The following KDM1A variants were observed in gnomAD, a reference collection of about 807,000 sequenced individuals.
The protein encoded by KDM1A is lysine demethylase 1A, also known as lysine-specific histone demethylase 1A.
Under a neutral mutation model 109.4 loss-of-function variants are expected in KDM1A, and 49 were observed. The observed-to-expected ratio is 0.45, with a 90% CI of 0.36 to 0.57. KDM1A has a LOEUF of 0.57. Ranked by LOEUF, KDM1A falls within the 20% of genes least tolerant of loss-of-function variation. The probability of loss-of-function intolerance (pLI) is 0.00; values close to 1 mark genes in which losing one functional copy is unlikely to be tolerated. For synonymous variants in KDM1A, 380 were observed against 415.4 expected (o/e 0.91, Z 1.04); for missense variants, 668 against 1,116.6 (o/e 0.60, Z 5.73).
intron 11 of KDM1A, 39 bp downstream of exon 11, chr1:23,068,720 A>G (rs1643224240): frequency 7.0e-7 from 1 of 1,420,320 alleles, no homozygotes; most frequent in Non-Finnish European, 9.3e-7. Context: ...AGTGAGTTCC[A>G]TGTGTAAAGA....
Position 23,055,158 on chromosome 1 carries a change from C to T in KDM1A, c.880C>T (p.Pro294Ser). The T allele has an allele frequency of 6.3e-7, 1 of 1,594,202 alleles. No individual in the cohort carries two copies. The highest frequency in any genetic ancestry group is 1.3e-5 in the African/African-American group (1 of 74,378). ...CATCTATAAGAGGATAAAACCCCTA[C>T]CAAGTAAGGACCTCCTACCTGGCTG... is the stretch of plus-strand genomic sequence containing the variant. ...FGIYKRIKPL[P>S]TKKTGKVIII... Residue 294 changes from proline to serine, a missense_variant, in exon 6 of 21, where the codon CCA becomes TCA. Transcript: ENST00000400181.
chr1:23,041,844 T>TA (rs144803602), intron 2 of KDM1A, among the ~76,000 whole-genome samples: 5,974 of 152,080 alleles, frequency 0.039, 395 homozygotes, highest in African/African-American at 0.14. Flanking sequence ...TTTTTTAAAT[T>TA]AAAAAAAATC....
Position 23,019,895 on chromosome 1 carries a change from G to A in KDM1A, c.299G>A (p.Gly100Glu). The change falls in exon 1 of 21, where the codon GGA (glycine) becomes GAA (glutamate). Residue 100 changes from glycine (G) to glutamate (E), a missense_variant. This residue lies in a region of KDM1A where 156 missense variants were observed against 163.4 expected (regional missense o/e 0.95). Transcript: ENST00000400181. ...GGGTCTGCGACCCCCATGGAAACTG[G>A]AATAGCAGAGACTCCGGAGGGGCGT... ...VPGSATPMET[G>E]IAETPEGRRT... is the part of the protein sequence containing the mutation. The A allele has an allele frequency of 1.3e-6, 2 of 1,572,108 alleles. No individual in the cohort carries two copies. Among genetic ancestry groups the A allele is most frequent in the Non-Finnish European group, 1.7e-6 (2 of 1,161,712 alleles).
At chr1:23,070,816 A>C (rs1392240167) in intron 12 of KDM1A, among the ~76,000 whole-genome samples, 1 of 152,138 alleles carries the variant, frequency 6.6e-6, no homozygotes, top group African/African-American at 2.4e-5. Context: ...TCAAAAAAAA[A>C]AAACAAACAC....
chr1:23,074,119 C>T (rs1643397532), intron 15 of KDM1A, among the ~76,000 whole-genome samples: 1 of 152,208 alleles, frequency 6.6e-6, no homozygotes, highest in Non-Finnish European at 1.5e-5. Context: ...CCTCACCAAT[C>T]TTGGTAATGC....
At chr1:23,054,633 CAG>C (rs1171156232) in intron 5 of KDM1A, among the ~76,000 whole-genome samples, 1 of 151,906 alleles carries the variant, frequency 6.6e-6, no homozygotes. Context: ...GGGGTCTTTA[CAG>C]TGATTTATTT....
At chr1:23,020,124 CTT>C (rs1457697259) in intron 1 of KDM1A, 177 bp downstream of exon 1, 1 of 663,254 alleles carries the variant, frequency 1.5e-6, no homozygotes, top group South Asian at 3.7e-5. Flanking sequence ...AAGGAAAAGT[CTT>C]TGCCGGTGTT....
intron 12 of KDM1A, among the ~76,000 whole-genome samples, chr1:23,069,512 T>A (rs1643257488): frequency 6.6e-6 from 1 of 151,974 alleles, no homozygotes; most frequent in African/African-American, 2.4e-5. Context: ...TTAAAAAAAA[T>A]GGAAAAGAAA....
chr1:23,067,290 A>G (rs1322221703), intron 10 of KDM1A, among the ~76,000 whole-genome samples: 1 of 152,246 alleles, frequency 6.6e-6, no homozygotes, highest in Non-Finnish European at 1.5e-5. Flanking sequence ...TTACAGTTCA[A>G]AGGAGAGTTG....
At chr1:23,062,650 C>T (rs1643031827) in intron 9 of KDM1A, among the ~76,000 whole-genome samples, 1 of 152,156 alleles carries the variant, frequency 6.6e-6, no homozygotes, top group African/African-American at 2.4e-5. Context: ...ACAAGAATCC[C>T]TCAAAAAGTT....
intron 1 of KDM1A, among the ~76,000 whole-genome samples, chr1:23,023,668 G>T (rs1238609031): frequency 6.6e-6 from 1 of 152,134 alleles, no homozygotes; most frequent in Non-Finnish European, 1.5e-5. Flanking sequence ...TATTTTGGCT[G>T]TTCTGAATGC....
chr1:23,027,683 A>G (rs1223304360), intron 1 of KDM1A, among the ~76,000 whole-genome samples: 1 of 150,556 alleles, frequency 6.6e-6, no homozygotes, highest in Non-Finnish European at 1.5e-5. Flanking sequence ...CTTCCTTCCA[A>G]AGTACTGAGA....
rs992429948 is a variant in KDM1A, at chr1:23,083,482, A to G, written c.*118A>G. ...CACCCTGGCATCTGGGCTCCTGATC[A>G]GCTGATGGAGCTCCTGATTTGACAA... On this transcript the variant is annotated 3_prime_UTR_variant, in exon 21 of 21. Transcript: ENST00000400181. 1.5e-5 allele frequency: 14 copies of G among 943,606 alleles called. No individual in the cohort carries two copies. The highest frequency in any genetic ancestry group is 1.7e-5 in the Non-Finnish European group (11 of 658,866). 58.5% of individuals were successfully genotyped at this position (943,606 alleles called of 1,614,324 possible).
At chr1:23,051,185 G>C (rs555107101) in intron 4 of KDM1A, among the ~76,000 whole-genome samples, 13 of 152,190 alleles carry the variant, frequency 8.5e-5, no homozygotes, top group Non-Finnish European at 1.6e-4. Context: ...TGCTCATCTT[G>C]TTCAGCCTCT....
At chr1:23,049,771 A>G (rs1642610833) in intron 3 of KDM1A, among the ~76,000 whole-genome samples, 1 of 152,070 alleles carries the variant, frequency 6.6e-6, no homozygotes, top group African/African-American at 2.4e-5. Context: ...TAGATTATAC[A>G]TAGTAATATT....
intron 20 of KDM1A, 179 bp downstream of exon 20, chr1:23,082,545 A>G (rs1643651736): frequency 8.7e-6 from 5 of 575,356 alleles, no homozygotes; most frequent in Non-Finnish European, 1.5e-5. Context: ...TGGTTTTGTA[A>G]ATCTAGGCAG....
intron 6 of KDM1A, 83 bp downstream of exon 6, chr1:23,055,244 A>G (rs937114921): frequency 7.5e-6 from 5 of 664,498 alleles, no homozygotes; most frequent in Non-Finnish European, 1.2e-5. Flanking sequence ...TGATGACGTT[A>G]GGATTTTATT....
At chr1:23,022,911 G>A (rs1641683928) in intron 1 of KDM1A, among the ~76,000 whole-genome samples, 1 of 151,890 alleles carries the variant, frequency 6.6e-6, no homozygotes, top group Non-Finnish European at 1.5e-5. Context: ...CACCCACATC[G>A]GCCTCCCAAA....
chr1:23,020,652 T>G (rs1641596207), intron 1 of KDM1A: 1 of 152,204 alleles, frequency 6.6e-6, no homozygotes, highest in Non-Finnish European at 1.5e-5. Context: ...CTCAAATGTC[T>G]GTGTCCTAGA....
Sources: allele counts gnomAD v4.1 joint callset (sites outside exome capture counted in the v4.1 genomes callset), GRCh38; gene constraint gnomAD v4.1.1; regional missense constraint gnomAD v4.1.1; transcripts MANE v1.5; gene names NCBI Gene and HGNC (gene_info 2026-07-23, HGNC 2026-07-21).